The following SYN2 variants were observed in gnomAD, a reference collection of about 807,000 sequenced individuals.
SYN2 encodes synapsin-2.
SYN2 carries 19 observed loss-of-function variants against 50.9 expected under a neutral mutation model. That is an observed-to-expected ratio of 0.37 (90% CI 0.26 to 0.55). The LOEUF is 0.55. Ranked by LOEUF, SYN2 falls within the 20% of genes least tolerant of loss-of-function variation. The pLI, the probability that SYN2 is intolerant of heterozygous loss-of-function variation, is 0.81. For missense variants in SYN2, 587 were observed against 576.4 expected (o/e 1.02, Z -0.19); for synonymous variants, 255 against 224.9 (o/e 1.13, Z -1.20).
intron 11 of SYN2, chr3:12,184,039 T>C (rs1184646706): frequency 2.0e-6 from 2 of 986,154 alleles, no homozygotes; most frequent in Non-Finnish European, 2.4e-6. Flanking sequence ...TTTTTCTCCA[T>C]TTGCTAAAAT....
At chr3:12,106,069 C>G (rs1696182471) in intron 1 of SYN2, among the ~76,000 whole-genome samples, 1 of 152,152 alleles carries the variant, frequency 6.6e-6, no homozygotes, top group African/African-American at 2.4e-5. Context: ...GGAAAAAAAT[C>G]TGTTTCCAAG....
At chr3:12,124,784 A>G (rs1696630025) in intron 1 of SYN2, among the ~76,000 whole-genome samples, 1 of 152,222 alleles carries the variant, frequency 6.6e-6, no homozygotes, top group South Asian at 2.1e-4. Context: ...TAGTAAAACT[A>G]TATAAAAACA....
intron 1 of SYN2, among the ~76,000 whole-genome samples, chr3:12,133,211 A>G (rs2125210837): frequency 6.6e-6 from 1 of 152,380 alleles, no homozygotes; most frequent in African/African-American, 2.4e-5. Context: ...CAATTTAATC[A>G]GTGAATTAAT....
intron 10 of SYN2, among the ~76,000 whole-genome samples, chr3:12,182,411 C>T (rs986209065): frequency 2.6e-5 from 4 of 152,204 alleles, no homozygotes; most frequent in Non-Finnish European, 5.9e-5. Context: ...TGAACTCAGA[C>T]TCCAAACGTT....
At chr3:12,053,639 C>T (rs1371621303) in intron 1 of SYN2, among the ~76,000 whole-genome samples, 5 of 151,794 alleles carry the variant, frequency 3.3e-5, no homozygotes, top group East Asian at 1.9e-4. Flanking sequence ...GGCATACTTA[C>T]TATGATTACA....
intron 12 of SYN2, among the ~76,000 whole-genome samples, chr3:12,188,911 C>G (rs527658343): frequency 6.6e-6 from 1 of 152,338 alleles, no homozygotes; most frequent in South Asian, 2.1e-4. Context: ...GTCACTGCCT[C>G]TGGGCTGAAG....
chr3:12,184,274 G>A (rs1369502234), intron 11 of SYN2: 4 of 985,900 alleles, frequency 4.1e-6, no homozygotes, highest in Non-Finnish European at 4.8e-6. Flanking sequence ...TATTTTGTGT[G>A]TGTTGATCTC....
At chr3:12,159,606 G>A (rs1697587936) in intron 5 of SYN2, among the ~76,000 whole-genome samples, 1 of 152,146 alleles carries the variant, frequency 6.6e-6, no homozygotes, top group Admixed American at 6.5e-5. Context: ...CGCTCTTGGT[G>A]TACAAAACAC....
intron 1 of SYN2, among the ~76,000 whole-genome samples, chr3:12,009,829 G>A (rs1046510786): frequency 1.3e-5 from 2 of 152,176 alleles, no homozygotes; most frequent in African/African-American, 4.8e-5. Context: ...GGTTGGGCGC[G>A]GTGGCTCACG....
At chr3:12,056,225 G>C (rs945629591) in intron 1 of SYN2, among the ~76,000 whole-genome samples, 7 of 150,718 alleles carry the variant, frequency 4.6e-5, no homozygotes, top group African/African-American at 1.7e-4. Context: ...ATATACACTT[G>C]AATACAAGCA....
chr3:12,141,041 C>T (rs1047818452), intron 2 of SYN2, among the ~76,000 whole-genome samples: 2 of 151,996 alleles, frequency 1.3e-5, no homozygotes, highest in Non-Finnish European at 2.9e-5. Context: ...ACGTTACCTC[C>T]GTATTGTTGG....
At chr3:12,055,746 CTT>C (rs1694975180) in intron 1 of SYN2, among the ~76,000 whole-genome samples, 1 of 152,092 alleles carries the variant, frequency 6.6e-6, no homozygotes. Flanking sequence ...TGGTATTACT[CTT>C]TGAATTTCAT....
chr3:12,065,132 AAATAAAAATTTC>A (rs1695187913), intron 1 of SYN2, among the ~76,000 whole-genome samples: 1 of 152,192 alleles, frequency 6.6e-6, no homozygotes, highest in Non-Finnish European at 1.5e-5. Context: ...AAATAAATGC[AAATAAAAATTTC>A]AATAAGGTAC....
chr3:12,009,354 A>T (rs1369775539), intron 1 of SYN2, among the ~76,000 whole-genome samples: 1 of 151,822 alleles, frequency 6.6e-6, no homozygotes, highest in Non-Finnish European at 1.5e-5. Context: ...TCCCAACTCT[A>T]CCACAGTATC....
At chr3:12,154,334 C>T in intron 5 of SYN2, 2 of 1,614,204 alleles carry the variant, frequency 1.2e-6, no homozygotes, top group Non-Finnish European at 1.7e-6. Flanking sequence ...TACTTGGCAG[C>T]CACAGTTCAG....
At chr3:12,011,062 C>T (rs1237498299) in intron 1 of SYN2, among the ~76,000 whole-genome samples, 1 of 152,142 alleles carries the variant, frequency 6.6e-6, no homozygotes. Context: ...ACTAAACACA[C>T]AGAAAAACCA....
At chr3:12,076,010 T>C (rs141026521) in intron 1 of SYN2, among the ~76,000 whole-genome samples, 2,399 of 152,278 alleles carry the variant, frequency 0.016, 30 homozygotes, top group Middle Eastern at 0.041. Context: ...TATACTATTA[T>C]TATCACCATT....
chr3:12,183,627 T>C lies in SYN2; in HGVS notation c.1369+255T>C, dbSNP rs539620494. 40 of 1,435,936 alleles carry C rather than the reference T, an allele frequency of 2.8e-5. 2 individuals carry two copies. The South Asian group carries it at 4.6e-4, about 17-fold the overall frequency. The allele number at this position is 1,435,936 out of a possible 1,614,324, so 88.9% of individuals were successfully genotyped here. On this transcript the variant is annotated intron_variant, in intron 11 of 12. Transcript: ENST00000621198. ...GTTGTTTACCTGTTCCTGTTCGTGC[T>C]TGTAATGCTCACTTATGTTTTCTCT... is the stretch of plus-strand genomic sequence containing the variant.
chr3:12,141,929 G>A lies in SYN2; in HGVS notation c.460G>A (p.Val154Met). The change falls in exon 3 of 13, where the codon GTG becomes ATG. Residue 154 changes from valine (V) to methionine (M), a missense_variant. By Grantham distance (21) the Val-to-Met change is conservative (BLOSUM62 1). Transcript: ENST00000621198. ...GGCAGAATTTTCAGAGCTCAACCTG[G>A]TGGCCCATGCAGATGGCACCTATGC... ...EQAEFSELNL[V>M]AHADGTYAVD... is the part of the protein sequence containing the mutation. 1.3e-6 allele frequency: 1 copy of A among 780,782 alleles called. No individual in the cohort carries two copies. The highest frequency in any genetic ancestry group is 1.7e-5 in the African/African-American group (1 of 59,224). 48.4% of individuals were successfully genotyped at this position (780,782 alleles called of 1,614,324 possible).
Sources: gnomAD v4.1 joint callset for allele counts (sites outside exome capture counted in the v4.1 genomes callset) on GRCh38, gnomAD v4.1.1 for gene constraint, MANE v1.5 for transcripts, NCBI Gene and HGNC (gene_info 2026-07-23, HGNC 2026-07-21) for gene names.